KDM5B: variants seen among roughly 807,000 people sequenced by gnomAD.
KDM5B encodes lysine demethylase 5B, also known as lysine-specific demethylase 5B.
Under a neutral mutation model 193.4 loss-of-function variants are expected in KDM5B, and 144 were observed. The observed-to-expected ratio is 0.74, with a 90% confidence interval of 0.65 to 0.86. The LOEUF (loss-of-function observed/expected upper bound fraction) is 0.86, where lower values mean the gene tolerates loss of function less well. Ranked by LOEUF, KDM5B falls within the 40% of genes least tolerant of loss-of-function variation. KDM5B has a pLI of 0.00. For synonymous variants in KDM5B, 668 were observed against 682.6 expected (o/e 0.98, Z 0.33); for missense variants, 1,833 against 1,886.9 (o/e 0.97, Z 0.53).
chr1:202,777,184 A>G (rs1205842465), intron 1 of KDM5B, 90 bp from the exon 2 acceptor site: 2 of 977,738 alleles, frequency 2.0e-6, no homozygotes, highest in Admixed American at 1.9e-5. Flanking sequence ...GGTTAGGTAA[A>G]TCTTATTCTA....
intron 1 of KDM5B, among the ~76,000 whole-genome samples, chr1:202,779,253 ACT>A (rs1657092383): frequency 6.6e-6 from 1 of 151,892 alleles, no homozygotes; most frequent in South Asian, 2.1e-4. Context: ...AGGCGCGGTG[ACT>A]CACGCCTGTA....
intron 20 of KDM5B, among the ~76,000 whole-genome samples, chr1:202,740,139 T>TCCTCACTTCCCAGTAGGGGC (rs1655257477): frequency 1.5e-5 from 2 of 135,882 alleles, no homozygotes; most frequent in Admixed American, 1.5e-4. Flanking sequence ...ACGGGGCGGC[T>TCCTCACTTCCCAGTAGGGGC]GGCCGGGCAG....
In KDM5B at chr1:202,730,996, A is replaced by C. The variant is rs752665196; in HGVS notation, c.4089T>G (p.Ile1363Met). The change falls in exon 25 of 27, where the codon ATT becomes ATG. Residue 1363 changes from isoleucine to methionine, a missense_variant. Physicochemically the swap from Ile to Met is conservative, Grantham distance 10. This residue lies in a region of KDM5B where 1,379 missense variants were observed against 1,349.6 expected (regional missense o/e 1.02). Transcript: ENST00000367265. ...CAAGTAAAGTCTGGTAAAGTTCCTG[A>C]ATTTCAGGAAGGGATACCTGGAGCA... ...AQLLQVSLPE[I>M]QELYQTLLAK... 4.7e-5 allele frequency: 76 copies of C among 1,613,854 alleles called. No homozygotes were observed. The highest frequency in any genetic ancestry group is 6.4e-5 in the Non-Finnish European group (75 of 1,179,822).
chr1:202,781,118 C>T (rs1335981660), intron 1 of KDM5B, among the ~76,000 whole-genome samples: 1 of 152,068 alleles, frequency 6.6e-6, no homozygotes. Context: ...CAGTTTGAGA[C>T]CAGTCTCTAT....
intron 4 of KDM5B, among the ~76,000 whole-genome samples, chr1:202,769,348 A>G (rs1656614450): frequency 6.6e-6 from 1 of 150,462 alleles, no homozygotes; most frequent in Non-Finnish European, 1.5e-5. Context: ...CTGGCCTATT[A>G]TATTCTTAAT....
chr1:202,740,109 C>CT (rs941575813), intron 20 of KDM5B, among the ~76,000 whole-genome samples: 3 of 144,818 alleles, frequency 2.1e-5, no homozygotes, highest in Non-Finnish European at 4.6e-5. Context: ...TGGGGCTGAC[C>CT]CCCCCCACCT....
chr1:202,762,666 G>C (rs750042639), intron 7 of KDM5B, 33 bp downstream of exon 7: 2 of 1,228,524 alleles, frequency 1.6e-6, no homozygotes, highest in South Asian at 1.2e-5. Flanking sequence ...AGGAAAACAG[G>C]AAAGAAAAAG....
intron 16 of KDM5B, among the ~76,000 whole-genome samples, chr1:202,744,422 T>G (rs367715330): frequency 2.3e-3 from 356 of 152,154 alleles, no homozygotes; most frequent in African/African-American, 8.1e-3. Context: ...GCTGGGCATG[T>G]TGGCACGTGC....
intron 20 of KDM5B, among the ~76,000 whole-genome samples, chr1:202,739,289 GCTTTAAATAT>G (rs1655209697): frequency 6.6e-6 from 1 of 152,126 alleles, no homozygotes; most frequent in South Asian, 2.1e-4. Context: ...CACTGTCTAA[GCTTTAAATAT>G]TTGAGACAAC....
intron 22 of KDM5B, 28 bp from the exon 23 acceptor site, chr1:202,733,914 A>T (rs1181860121): frequency 1.9e-6 from 3 of 1,579,744 alleles, no homozygotes; most frequent in Non-Finnish European, 2.6e-6. Context: ...ATCAAGGATG[A>T]TGTCCGAGAT....
At chr1:202,787,430 A>G (rs1657455558) in intron 1 of KDM5B, among the ~76,000 whole-genome samples, 1 of 152,232 alleles carries the variant, frequency 6.6e-6, no homozygotes, top group Non-Finnish European at 1.5e-5. Flanking sequence ...TAGATTTTTT[A>G]TCACATTAGA....
intron 4 of KDM5B, among the ~76,000 whole-genome samples, chr1:202,768,950 G>A (rs1402280452): frequency 2.0e-5 from 3 of 151,820 alleles, no homozygotes; most frequent in Non-Finnish European, 4.4e-5. Context: ...CTGACCTCAG[G>A]TGATCAGCCC....
At chr1:202,804,865 CAAAA>C (rs35989953) in intron 1 of KDM5B, among the ~76,000 whole-genome samples, 1 of 78,900 alleles carries the variant, frequency 1.3e-5, no homozygotes. Context: ...AATTCCGTCT[CAAAA>C]AAAAAAAAAA....
intron 1 of KDM5B, among the ~76,000 whole-genome samples, chr1:202,793,864 T>C (rs919247269): frequency 3.3e-5 from 5 of 152,186 alleles, no homozygotes; most frequent in African/African-American, 1.2e-4. Flanking sequence ...ACAGTAGTTA[T>C]AGAGGAACCC....
chr1:202,778,061 G>A (rs1289076797), intron 1 of KDM5B, among the ~76,000 whole-genome samples: 1 of 151,936 alleles, frequency 6.6e-6, no homozygotes, highest in Non-Finnish European at 1.5e-5. Flanking sequence ...TGTAGTCCCA[G>A]CTACTCAGGA....
Position 202,773,320 on chromosome 1 carries a change from A to G in KDM5B, c.406-32T>C, listed in dbSNP as rs1250542768. The stretch of plus-strand genomic sequence containing the variant: ...AAATAGCAAAATTAGAAACAACTAT[A>G]TGGAAGTCACTTCTAATCACATCTA... On this transcript the variant is annotated intron_variant, in intron 3 of 26. Coordinates refer to ENST00000367265, the MANE Select transcript of KDM5B (RefSeq NM_006618.5). 3 of 1,590,526 alleles carry G rather than the reference A, an allele frequency of 1.9e-6. No homozygotes were observed. In the South Asian group the frequency reaches 3.3e-5, roughly 18 times the overall value.
intron 1 of KDM5B, among the ~76,000 whole-genome samples, chr1:202,794,265 T>C (rs1322801730): frequency 6.6e-6 from 1 of 152,218 alleles, no homozygotes; most frequent in Admixed American, 6.5e-5. Context: ...ATTGGGAGGA[T>C]CCTGCCTTAA....
intron 1 of KDM5B, among the ~76,000 whole-genome samples, chr1:202,778,590 C>T (rs1657060388): frequency 6.6e-6 from 1 of 151,666 alleles, no homozygotes; most frequent in Non-Finnish European, 1.5e-5. Flanking sequence ...AAAAATGTAC[C>T]CTGTAGCATA....
chr1:202,804,216 A>G (rs1303859170), intron 1 of KDM5B, among the ~76,000 whole-genome samples: 1 of 151,882 alleles, frequency 6.6e-6, no homozygotes, highest in Non-Finnish European at 1.5e-5. Context: ...ATTACACATC[A>G]TAAATTCGTG....
Sources: gnomAD v4.1 joint callset for allele counts (sites outside exome capture counted in the v4.1 genomes callset) on GRCh38, gnomAD v4.1.1 for gene constraint, gnomAD v4.1.1 regional missense constraint, MANE v1.5 for transcripts, NCBI Gene and HGNC (gene_info 2026-07-23, HGNC 2026-07-21) for gene names.